Variants in COX7A2L observed in about 807,000 individuals in gnomAD.
The protein encoded by COX7A2L is cytochrome c oxidase subunit 7A2 like.
A neutral mutation model predicts 14.2 loss-of-function variants in COX7A2L; 18 were observed. The ratio of observed to expected loss-of-function variants is 1.27; its 90% CI spans 0.88 to 1.88. COX7A2L has a LOEUF of 1.88. Ranked by LOEUF, COX7A2L falls within the 40% of genes most tolerant of loss-of-function variation. COX7A2L has a pLI of 0.00. For synonymous variants in COX7A2L, 65 were observed against 57.4 expected, an observed-to-expected ratio of 1.13 and a Z score of -0.60; for missense variants, 179 against 138.8, an observed-to-expected ratio of 1.29 and a Z score of -1.46.
At chr2:42,355,374 C>T (rs1670783175) in intron 1 of COX7A2L, among the ~76,000 whole-genome samples, 1 of 152,176 alleles carries the variant, frequency 6.6e-6, no homozygotes, top group Non-Finnish European at 1.5e-5. Flanking sequence ...AATGTAAAAA[C>T]TCTTTCTACC....
chr2:42,356,621 A>T, intron 1 of COX7A2L, among the ~76,000 whole-genome samples: 1 of 152,192 alleles, frequency 6.6e-6, no homozygotes. Flanking sequence ...AACAACTGAA[A>T]GCTGTTCTTA....
chr2:42,344,060 C>A (rs1670449757), intron 2 of COX7A2L, among the ~76,000 whole-genome samples: 1 of 152,196 alleles, frequency 6.6e-6, no homozygotes, highest in African/African-American at 2.4e-5. Context: ...TAGCCATTTT[C>A]AACCTTTCTT....
intron 2 of COX7A2L, among the ~76,000 whole-genome samples, chr2:42,343,946 GAGA>G (rs1263814961): frequency 6.6e-6 from 1 of 152,226 alleles, no homozygotes; most frequent in African/African-American, 2.4e-5. Flanking sequence ...TGAAGGGGCC[GAGA>G]AGGAGAGCGA....
At chr2:42,348,642 G>C (rs979745277), downstream of COX7A2L, among the ~76,000 whole-genome samples, 2 of 152,106 alleles carry the variant, frequency 1.3e-5, no homozygotes, top group South Asian at 4.1e-4. Flanking sequence ...CAACATGCTG[G>C]GCACGGTGAC....
At chr2:42,358,450 TTAC>T (rs1670902016) in intron 1 of COX7A2L, among the ~76,000 whole-genome samples, 1 of 152,232 alleles carries the variant, frequency 6.6e-6, no homozygotes, top group Admixed American at 6.5e-5. Context: ...TTCACTTTAC[TTAC>T]TACTACAAAT....
chr2:42,351,040 T>A lies in COX7A2L; in HGVS notation c.*179A>T. The A allele has an allele frequency of 1.6e-6, 1 of 613,320 alleles. No homozygotes were observed. Among genetic ancestry groups the A allele is most frequent in the East Asian group, 3.0e-5 (1 of 33,270 alleles). 38.0% of individuals were successfully genotyped at this position (613,320 alleles called of 1,614,324 possible). On this transcript the variant is annotated 3_prime_UTR_variant, in exon 3 of 3. Transcript: ENST00000234301. ...TTAAACAATGGCTTTAACTGTCGAA[T>A]GAGCTCTGACAAGCCATATGCATTT...
Position 42,342,152 on chromosome 2 carries a change from CA to C in COX7A2L, c.193-8284del, listed in dbSNP as rs1370736821. On this transcript the variant is annotated intron_variant, in intron 2 of 2. Transcript: ENST00000468711. The surrounding 1 kb of genome is among the most constrained non-coding windows in gnomAD (Gnocchi z 4.9). ...TCTTCCTATGAGAGGCTGAGCTGAG[CA>C]ACCACGCTGCCTCCATGCTTGAGCT... is the stretch of plus-strand genomic sequence containing the variant. Among the ~76,000 whole-genome samples, 3 of 152,116 alleles carry C rather than the reference CA, an allele frequency of 2.0e-5. No homozygotes were observed. The highest frequency in any genetic ancestry group is 6.5e-5 in the Admixed American group (1 of 15,280).
At chr2:42,361,031 T>C (rs1376432680) in intron 1 of COX7A2L, 59 bp downstream of exon 1, 10 of 1,586,966 alleles carry the variant, frequency 6.3e-6, no homozygotes, top group Non-Finnish European at 8.6e-6. Flanking sequence ...CGCGACTGCC[T>C]GTCGCCGAGG....
exon 1 of COX7A2L, chr2:42,368,905 T>C (rs989058948): frequency 6.6e-6 from 1 of 152,240 alleles, no homozygotes; most frequent in Non-Finnish European, 1.5e-5. Context: ...CCCAGGCTTC[T>C]CACATCCCCA....
upstream of COX7A2L, among the ~76,000 whole-genome samples, chr2:42,363,273 C>G (rs1480984729): frequency 1.3e-5 from 2 of 152,148 alleles, no homozygotes; most frequent in Admixed American, 1.3e-4. Context: ...CATTAGCCTT[C>G]TTGAGTCCCA....
chr2:42,366,287 G>A (rs1482492855), intron 1 of COX7A2L, among the ~76,000 whole-genome samples: 5 of 152,320 alleles, frequency 3.3e-5, no homozygotes, highest in East Asian at 3.9e-4. Flanking sequence ...TTAGTCGGGC[G>A]TGATTGCACA....
At position 42,350,558 on chromosome 2, in the gene COX7A2L, C is replaced by T. The variant is rs1485739513; in HGVS notation, c.*661G>A. The T allele has an allele frequency of 2.0e-5, 3 of 152,078 alleles. No homozygotes were observed. The highest frequency in any genetic ancestry group is 7.2e-5 in the African/African-American group (3 of 41,402). 9.4% of individuals were successfully genotyped at this position (152,078 alleles called of 1,614,324 possible). A position where few individuals can be genotyped will look rare whatever the true frequency, so the allele number is the denominator to read the frequency against. ...AATAAATCAAAATTTAAAGCTATAA[C>T]ATTTTTAAAAGATAAAGGAGAATTT... On this transcript the variant is annotated 3_prime_UTR_variant, in exon 3 of 3. Transcript: ENST00000234301.
upstream of COX7A2L, chr2:42,361,383 G>T: frequency 2.0e-6 from 1 of 502,502 alleles, no homozygotes. Context: ...CTCTAAGAGA[G>T]CACGCAAAGT....
At chr2:42,353,609 G>A (rs778099116) in intron 1 of COX7A2L, among the ~76,000 whole-genome samples, 2 of 152,136 alleles carry the variant, frequency 1.3e-5, no homozygotes, top group Admixed American at 6.5e-5. Flanking sequence ...AATCTGTTAC[G>A]AACTTGTCAT....
intron 1 of COX7A2L, chr2:42,360,887 C>A: frequency 1.6e-6 from 1 of 620,052 alleles, no homozygotes; most frequent in Non-Finnish European, 2.9e-6. Flanking sequence ...GCCAGGCCAG[C>A]CCCCGCCAGG....
rs146914852 is a variant in COX7A2L, at chr2:42,340,861, G to A, written c.193-6992C>T. On this transcript the variant is annotated intron_variant, in intron 2 of 2. Transcript: ENST00000468711. The stretch of plus-strand genomic sequence containing the variant: ...TCGCCTTTCTCCATGTCTCCACTGC[G>A]CAGCACACTGCAGAAGGAATGATTT... 1.9e-3 allele frequency among the ~76,000 whole-genome samples: 282 copies of A among 152,262 alleles called. 2 individuals carry two copies. The East Asian group carries it at 0.034, about 18-fold the overall frequency.
upstream of COX7A2L, chr2:42,361,329 G>C (rs1456394186): frequency 1.5e-5 from 9 of 611,640 alleles, no homozygotes; most frequent in African/African-American, 1.1e-4. Context: ...CCGCATTGGG[G>C]AACCAAAAGC....
In COX7A2L at chr2:42,336,236, C is replaced by T. The variant is rs921826208; in HGVS notation, c.193-2367G>A. Among the ~76,000 whole-genome samples the T allele has an allele frequency of 5.3e-5, 8 of 152,254 alleles. No homozygotes were observed. In the East Asian group the frequency reaches 1.5e-3, roughly 29 times the overall value. ...GCTCAGCCATAGAATTTTGATCTTC[C>T]GTCCCTTCTCCCTGTTAGCAATATA... is the stretch of plus-strand genomic sequence containing the variant. On this transcript the variant is annotated intron_variant, in intron 2 of 2. Transcript: ENST00000468711.
chr2:42,365,229 T>C (rs892509851), upstream of COX7A2L, among the ~76,000 whole-genome samples: 2 of 152,244 alleles, frequency 1.3e-5, no homozygotes, highest in East Asian at 3.8e-4. Context: ...GGTGGTGGTT[T>C]CTCATCATTG....
Sources: allele counts gnomAD v4.1 joint callset (sites outside exome capture counted in the v4.1 genomes callset), GRCh38; gene constraint gnomAD v4.1.1; non-coding constraint Gnocchi (gnomAD v3.1); transcripts MANE v1.5; gene names NCBI Gene and HGNC (gene_info 2026-07-23, HGNC 2026-07-21).